PPP4R1: variants seen among roughly 807,000 people sequenced by gnomAD.
The protein encoded by PPP4R1 is protein phosphatase 4 regulatory subunit 1, also known as serine/threonine-protein phosphatase 4 regulatory subunit 1.
Under a neutral mutation model 111.2 loss-of-function variants are expected in PPP4R1, and 42 were observed. The ratio of observed to expected loss-of-function variants is 0.38; its 90% CI spans 0.29 to 0.49. PPP4R1 has a LOEUF of 0.49. PPP4R1 is among the 20% of genes least tolerant of loss of function. PPP4R1 has a pLI of 0.97. For missense variants in PPP4R1, 1,012 were observed against 1,161.6 expected, an observed-to-expected ratio of 0.87 and a Z score of 1.87; for synonymous variants, 409 against 405.5, an observed-to-expected ratio of 1.01 and a Z score of -0.10.
chr18:9,561,346 A>G (rs1018440357), intron 13 of PPP4R1, among the ~76,000 whole-genome samples: 5 of 152,124 alleles, frequency 3.3e-5, no homozygotes, highest in African/African-American at 9.7e-5. Flanking sequence ...TACAACGAGT[A>G]GCATCTCCCA....
In PPP4R1 at chr18:9,547,163, G is replaced by A. The variant is rs2066414031; in HGVS notation, c.*626C>T. On this transcript the variant is annotated 3_prime_UTR_variant, in exon 20 of 20. Coordinates refer to ENST00000400556, the MANE Select transcript of PPP4R1 (RefSeq NM_001042388.3). ...GACACTCAGCAACCATTCTGTAAAT[G>A]TGTACAGCAATATGCTGCGCTTAAG... 1 of 152,690 alleles carries A rather than the reference G, an allele frequency of 6.5e-6. No homozygotes were observed. Among genetic ancestry groups the A allele is most frequent in the Non-Finnish European group, 1.5e-5 (1 of 68,098 alleles). The allele number at this position is 152,690 out of a possible 1,614,324, so 9.5% of individuals were successfully genotyped here.
At position 9,583,169 on chromosome 18, in the gene PPP4R1, C is replaced by T. The variant is rs1367205459; in HGVS notation, c.866G>A (p.Arg289Gln). The change falls in exon 9 of 20, where the codon CGG becomes CAG. Residue 289 changes from arginine (R) to glutamine (Q), a missense_variant. Arg to Gln is a conservative substitution (Grantham distance 43). Coordinates refer to ENST00000400556, the MANE Select transcript of PPP4R1 (RefSeq NM_001042388.3). ...VSCATCQEIRRTKLSALFINL... is the reference protein window; with the variant it reads ...VSCATCQEIRQTKLSALFINL... ...AATAAAAAGTGCTGATAATTTGGTCCGTCGGATTTCTTGACATGTTGCACA... is the reference window on the plus strand; with the variant it reads ...AATAAAAAGTGCTGATAATTTGGTCTGTCGGATTTCTTGACATGTTGCACA... 3.1e-6 allele frequency: 5 copies of T among 1,611,568 alleles called. No individual in the cohort carries two copies. The highest frequency in any genetic ancestry group is 1.7e-5 in the Admixed American group (1 of 59,934).
At chr18:9,610,897 A>C (rs201668379) in intron 2 of PPP4R1, among the ~76,000 whole-genome samples, 3 of 124,334 alleles carry the variant, frequency 2.4e-5, no homozygotes, top group Admixed American at 7.7e-5. Flanking sequence ...CACACACACA[A>C]ATACCATCCA....
chr18:9,549,542 G>A (rs1267664612), intron 18 of PPP4R1, among the ~76,000 whole-genome samples: 4 of 152,152 alleles, frequency 2.6e-5, no homozygotes, highest in African/African-American at 4.8e-5. Flanking sequence ...ACTGCTCTAC[G>A]GAGACCTAGA....
At chr18:9,588,334 C>A in intron 5 of PPP4R1, 99 bp from the exon 6 acceptor site, 1 of 1,273,486 alleles carries the variant, frequency 7.9e-7, no homozygotes, top group Non-Finnish European at 1.1e-6. Flanking sequence ...TCAAAGGGAC[C>A]CATAACTGGC....
intron 6 of PPP4R1, among the ~76,000 whole-genome samples, chr18:9,586,417 G>A (rs949238218): frequency 2.6e-5 from 4 of 152,032 alleles, no homozygotes; most frequent in Non-Finnish European, 5.9e-5. Flanking sequence ...ATCCTAAAGT[G>A]AAAAAAGAAA....
chr18:9,570,483 T>C lies in PPP4R1; in HGVS notation c.1247A>G (p.Gln416Arg). 6.2e-7 allele frequency: 1 copy of C among 1,614,238 alleles called. No homozygotes were observed. The highest frequency in any genetic ancestry group is 1.3e-5 in the African/African-American group (1 of 75,072). The change falls in exon 11 of 20, where the codon CAG becomes CGG. Residue 416 changes from glutamine (Q) to arginine (R), a missense_variant. Gln to Arg is a conservative substitution (Grantham distance 43). This residue lies in a region of PPP4R1 where 707 missense variants were observed against 742.1 expected (regional missense o/e 0.95). Transcript: ENST00000400556. ...LLCTLSSESH[Q>R]EAASNENDKK... The stretch of plus-strand genomic sequence containing the variant: ...ATCATTCTCATTACTAGCTGCTTCC[T>C]GGTGAGATTCTGAGGACAAAGTACA...
intron 15 of PPP4R1, among the ~76,000 whole-genome samples, chr18:9,556,496 G>A (rs329018): frequency 0.52 from 79,071 of 151,978 alleles, 20,860 homozygotes; most frequent in Middle Eastern, 0.65. Context: ...CCCAGCCTCA[G>A]TGTTTTTTAA....
In PPP4R1 at chr18:9,553,343, C is replaced by T. The variant is rs1389034923; in HGVS notation, c.2270G>A (p.Arg757Gln). The change falls in exon 16 of 20, where the codon CGG (arginine) becomes CAG (glutamine). Residue 757 changes from arginine (R) to glutamine (Q), a missense_variant. By Grantham distance (43) the Arg-to-Gln change is conservative. Transcript: ENST00000400556. ...FLVTDNSRNW[R>Q]FRAELAEQLI... is the part of the protein sequence containing the mutation. ...TTACTCAGCCAGTTCAGCTCGAAACCGCCAATTTCTACTATTATCTGTCAC... is the reference window on the plus strand; with the variant it reads ...TTACTCAGCCAGTTCAGCTCGAAACTGCCAATTTCTACTATTATCTGTCAC... 6.9e-6 allele frequency: 11 copies of T among 1,596,478 alleles called. No individual in the cohort carries two copies. Among genetic ancestry groups the T allele is most frequent in the Non-Finnish European group, 9.4e-6 (11 of 1,164,532 alleles).
At position 9,547,804 on chromosome 18, in the gene PPP4R1, C is replaced by T. The variant is rs777542389; in HGVS notation, c.2838G>A (p.Ala946=). ...TKISEDAMST[A]SSTY ...TTCAAGCCTTCTAGTAGGTTGAGGACGCTGTGCTCATGGCATCTTCGGAGA... is the reference window on the plus strand; with the variant it reads ...TTCAAGCCTTCTAGTAGGTTGAGGATGCTGTGCTCATGGCATCTTCGGAGA... Residue 946 remains alanine (A), a synonymous_variant, in exon 20 of 20, where the codon GCG becomes GCA. Transcript: ENST00000400556. 25 of 1,612,922 alleles carry T rather than the reference C, an allele frequency of 1.5e-5. No individual in the cohort carries two copies. The highest frequency in any genetic ancestry group is 3.3e-5 in the South Asian group (3 of 91,020).
rs201201535 is a variant in PPP4R1, at chr18:9,570,462, T to C, written c.1268A>G (p.Asn423Ser). 6.2e-6 allele frequency: 10 copies of C among 1,614,192 alleles called. No homozygotes were observed. Among genetic ancestry groups the C allele is most frequent in the Non-Finnish European group, 8.5e-6 (10 of 1,180,008 alleles). The change falls in exon 11 of 20, where the codon AAT becomes AGT. Residue 423 changes from asparagine to serine, a missense_variant. Asn to Ser is a conservative substitution (Grantham distance 46, BLOSUM62 1). This residue lies in a region of PPP4R1 where 707 missense variants were observed against 742.1 expected (regional missense o/e 0.95). Transcript: ENST00000400556. ...ESHQEAASNE[N>S]DKKPGNYKSM... The stretch of plus-strand genomic sequence containing the variant: ...TTTGTAGTTACCAGGTTTTTTATCA[T>C]TCTCATTACTAGCTGCTTCCTGGTG...
chr18:9,550,486 G>A, intron 16 of PPP4R1, 88 bp from the exon 17 acceptor site: 4 of 1,403,520 alleles, frequency 2.8e-6, no homozygotes, highest in Non-Finnish European at 3.9e-6. Context: ...CTGTAATACT[G>A]GATTACTGAG....
At chr18:9,564,728 G>T (rs1331972664) in intron 11 of PPP4R1, among the ~76,000 whole-genome samples, 956 of 54,438 alleles carry the variant, frequency 0.018, 6 homozygotes, top group East Asian at 0.03. Flanking sequence ...GTGTGTGTGT[G>T]TGTGTGTGTG....
chr18:9,593,742 A>G (rs1408524333), intron 4 of PPP4R1, 26 bp downstream of exon 4: 1 of 1,589,030 alleles, frequency 6.3e-7, no homozygotes, highest in Non-Finnish European at 8.6e-7. Context: ...TCTAGAATAG[A>G]GTAAATTCAC....
chr18:9,567,857 G>T (rs1319938869), intron 11 of PPP4R1, among the ~76,000 whole-genome samples: 2 of 152,136 alleles, frequency 1.3e-5, no homozygotes, highest in African/African-American at 4.8e-5. Context: ...CCACTGCCCT[G>T]ACCAGTCAGC....
At chr18:9,557,525 G>A (rs1050389504) in intron 14 of PPP4R1, 143 bp from the exon 15 acceptor site, 1 of 671,096 alleles carries the variant, frequency 1.5e-6, no homozygotes, top group Non-Finnish European at 2.3e-6. Flanking sequence ...AACTTTAAAT[G>A]CCTAAATTAT....
chr18:9,561,371 G>A (rs920736022), intron 13 of PPP4R1, among the ~76,000 whole-genome samples: 1 of 152,076 alleles, frequency 6.6e-6, no homozygotes, highest in Non-Finnish European at 1.5e-5. Context: ...GCCTTCTTAC[G>A]ATGGAGACCA....
rs112854570 is a variant in PPP4R1, at chr18:9,601,250, C to T, written c.53-6097G>A. Among the ~76,000 whole-genome samples the T allele has an allele frequency of 3.0e-3, 446 of 149,064 alleles. 1 individual carries two copies. The highest frequency in any genetic ancestry group is 7.7e-3 in the African/African-American group (313 of 40,552). On this transcript the variant is annotated intron_variant, in intron 2 of 19. Coordinates refer to ENST00000400556, the MANE Select transcript of PPP4R1 (RefSeq NM_001042388.3). ...AAAAAAAGCATATACTGGCCGGGAA[C>T]GGTGGCTCATGCCTGTAATCCCAGC...
At chr18:9,551,486 C>A (rs2066487607) in intron 16 of PPP4R1, 1 of 152,304 alleles carries the variant, frequency 6.6e-6, no homozygotes, top group South Asian at 2.1e-4. Context: ...TCCCAGACAA[C>A]CTTCTGACTT....
Sources: gnomAD v4.1 joint callset for allele counts (sites outside exome capture counted in the v4.1 genomes callset) on GRCh38, gnomAD v4.1.1 for gene constraint, gnomAD v4.1.1 regional missense constraint, MANE v1.5 for transcripts, NCBI Gene and HGNC (gene_info 2026-07-23, HGNC 2026-07-21) for gene names.